The following WDR49 variants were observed in gnomAD, a reference collection of about 807,000 sequenced individuals.
WDR49 encodes WD repeat domain 49, also known as cilia- and flagella-associated protein 337.
In WDR49, 107 loss-of-function variants were observed where a neutral mutation model predicts 119.5. That is an observed-to-expected ratio of 0.90 (90% CI 0.77 to 1.05). WDR49 has a LOEUF of 1.05. Ranked by LOEUF, WDR49 falls within the 50% of genes least tolerant of loss-of-function variation. The pLI is 0.00. For synonymous variants in WDR49, 425 were observed against 418.8 expected (o/e 1.01, Z -0.18); for missense variants, 1,240 against 1,220.5 (o/e 1.02, Z -0.24).
At chr3:167,491,268 C>T (rs1473139793) in intron 18 of WDR49, among the ~76,000 whole-genome samples, 3 of 152,110 alleles carry the variant, frequency 2.0e-5, no homozygotes, top group Non-Finnish European at 1.5e-5. Context: ...TTTTCTTAAA[C>T]ACAAGGGGGA....
At chr3:167,558,743 A>G (rs2108268830) in intron 9 of WDR49, among the ~76,000 whole-genome samples, 1 of 152,304 alleles carries the variant, frequency 6.6e-6, no homozygotes, top group East Asian at 1.9e-4. Context: ...ATATTTTAGC[A>G]GAATCTACAA....
chr3:167,598,742 CT>C (rs1715618512), intron 7 of WDR49, among the ~76,000 whole-genome samples: 1 of 152,180 alleles, frequency 6.6e-6, no homozygotes, highest in African/African-American at 2.4e-5. Flanking sequence ...TTTTGAGAGG[CT>C]TTCCAGATAT....
chr3:167,564,346 T>A (rs1713460944), intron 8 of WDR49, among the ~76,000 whole-genome samples: 1 of 152,176 alleles, frequency 6.6e-6, no homozygotes, highest in East Asian at 1.9e-4. Flanking sequence ...AATATTGGAA[T>A]ACAAGAATAA....
chr3:167,576,923 G>A (rs1714280947), intron 7 of WDR49, among the ~76,000 whole-genome samples: 2 of 151,708 alleles, frequency 1.3e-5, no homozygotes, highest in African/African-American at 4.8e-5. Context: ...ATCTATATAT[G>A]TGTGGATAGA....
intron 18 of WDR49, among the ~76,000 whole-genome samples, chr3:167,488,145 AACACAC>A (rs57719248): frequency 0.12 from 16,760 of 136,108 alleles, 1,261 homozygotes; most frequent in African/African-American, 0.23. Context: ...GATACACTCA[AACACAC>A]ACACACACAC....
chr3:167,558,594 G>C (rs1344383074), intron 9 of WDR49, among the ~76,000 whole-genome samples: 1 of 152,182 alleles, frequency 6.6e-6, no homozygotes, highest in East Asian at 1.9e-4. Flanking sequence ...GAGACTTGAG[G>C]TGCACACATA....
intron 11 of WDR49, among the ~76,000 whole-genome samples, chr3:167,535,306 C>A (rs1752982490): frequency 6.6e-6 from 1 of 152,000 alleles, no homozygotes; most frequent in South Asian, 2.1e-4. Context: ...AAGAGACAAC[C>A]TACAAAATGG....
At chr3:167,591,958 G>T (rs1398637582) in intron 7 of WDR49, among the ~76,000 whole-genome samples, 1 of 151,834 alleles carries the variant, frequency 6.6e-6, no homozygotes, top group Admixed American at 6.6e-5. Context: ...GTTGTCTTCT[G>T]GTCTTCTCTT....
chr3:167,589,200 T>A (rs1714981860), intron 7 of WDR49, among the ~76,000 whole-genome samples: 1 of 152,170 alleles, frequency 6.6e-6, no homozygotes, highest in Non-Finnish European at 1.5e-5. Flanking sequence ...AACTGTCTTT[T>A]CCTCAATATA....
chr3:167,491,206 C>T (rs918431380), intron 18 of WDR49, among the ~76,000 whole-genome samples: 3 of 152,090 alleles, frequency 2.0e-5, no homozygotes, highest in Non-Finnish European at 4.4e-5. Flanking sequence ...CTTTGCCCCA[C>T]CCGGGAGCTT....
intron 8 of WDR49, among the ~76,000 whole-genome samples, chr3:167,563,684 T>A (rs1323012289): frequency 6.6e-6 from 1 of 152,186 alleles, no homozygotes; most frequent in Non-Finnish European, 1.5e-5. Context: ...ACATACACGA[T>A]GTATAATGAT....
chr3:167,545,436 G>C (rs1370181714), intron 10 of WDR49, among the ~76,000 whole-genome samples: 1 of 147,760 alleles, frequency 6.8e-6, no homozygotes, highest in Non-Finnish European at 1.5e-5. Flanking sequence ...CAAAAATATG[G>C]AACCAGCCCA....
chr3:167,528,983 T>G, intron 14 of WDR49, 69 bp downstream of exon 14: 1 of 1,330,144 alleles, frequency 7.5e-7, no homozygotes. Flanking sequence ...CAAGGCTTGA[T>G]TCATAGTTAC....
At chr3:167,640,227 T>C (rs1468074714) in intron 2 of WDR49, among the ~76,000 whole-genome samples, 1 of 151,888 alleles carries the variant, frequency 6.6e-6, no homozygotes, top group Non-Finnish European at 1.5e-5. Flanking sequence ...GCAGAACTTC[T>C]GTGTTCTGGA....
chr3:167,573,920 G>T (rs1220637220), intron 8 of WDR49, among the ~76,000 whole-genome samples: 1 of 152,126 alleles, frequency 6.6e-6, no homozygotes, highest in Non-Finnish European at 1.5e-5. Flanking sequence ...TTCTTTGCAG[G>T]TGCTCACGTT....
chr3:167,569,807 T>C (rs1404478355), intron 8 of WDR49, among the ~76,000 whole-genome samples: 2 of 152,128 alleles, frequency 1.3e-5, no homozygotes, highest in East Asian at 1.9e-4. Context: ...CCCTTAAACA[T>C]TGTGGAAGTC....
intron 7 of WDR49, among the ~76,000 whole-genome samples, chr3:167,580,143 A>C (rs1714460477): frequency 6.6e-6 from 1 of 152,132 alleles, no homozygotes; most frequent in Non-Finnish European, 1.5e-5. Context: ...TAAAACTAGA[A>C]ATTTTTTTCA....
At chr3:167,587,894 C>G (rs1274481822) in intron 7 of WDR49, among the ~76,000 whole-genome samples, 1 of 152,040 alleles carries the variant, frequency 6.6e-6, no homozygotes. Flanking sequence ...GCGTAATAAT[C>G]ACATCAGGGT....
intron 7 of WDR49, among the ~76,000 whole-genome samples, chr3:167,580,335 G>T (rs1427958848): frequency 6.6e-6 from 1 of 150,906 alleles, no homozygotes; most frequent in Non-Finnish European, 1.5e-5. Context: ...CATAAAATGG[G>T]TGACGGTATA....
Sources: gnomAD v4.1 joint callset for allele counts (sites outside exome capture counted in the v4.1 genomes callset) on GRCh38, gnomAD v4.1.1 for gene constraint, MANE v1.5 for transcripts, NCBI Gene and HGNC (gene_info 2026-07-23, HGNC 2026-07-21) for gene names.